FBRSL1: variants seen among roughly 807,000 people sequenced by gnomAD.
FBRSL1 encodes the protein fibrosin like 1.
Under a neutral mutation model 89.6 loss-of-function variants are expected in FBRSL1, and 51 were observed. The ratio of observed to expected loss-of-function variants is 0.57; its 90% CI spans 0.45 to 0.72. The LOEUF is 0.72. Ranked by LOEUF, FBRSL1 falls within the 30% of genes least tolerant of loss-of-function variation. The pLI is 0.00. For synonymous variants in FBRSL1, 779 were observed against 681.1 expected, an observed-to-expected ratio of 1.14 and a Z score of -2.24; for missense variants, 1,618 against 1,451.8, an observed-to-expected ratio of 1.11 and a Z score of -1.86.
intron 5 of FBRSL1, chr12:132,565,487 ACACG>A (rs2039535478): frequency 2.0e-5 from 3 of 152,322 alleles, no homozygotes; most frequent in South Asian, 4.2e-4. Context: ...GTGCCCACGT[ACACG>A]TACCCAACTG....
chr12:132,504,857 C>T (rs776720230), intron 1 of FBRSL1, among the ~76,000 whole-genome samples: 4 of 151,870 alleles, frequency 2.6e-5, no homozygotes, highest in Admixed American at 6.5e-5. Context: ...AGGCCAGGCA[C>T]GGTGGCTCAC....
At chr12:132,526,801 C>T (rs757743192) in intron 3 of FBRSL1, among the ~76,000 whole-genome samples, 2 of 152,138 alleles carry the variant, frequency 1.3e-5, no homozygotes, top group Non-Finnish European at 2.9e-5. Flanking sequence ...GTGAGCCCCA[C>T]TTGCCCAGCT....
intron 2 of FBRSL1, among the ~76,000 whole-genome samples, chr12:132,512,249 C>T (rs975498232): frequency 2.6e-5 from 4 of 152,272 alleles, no homozygotes; most frequent in Admixed American, 6.5e-5. Flanking sequence ...GGGCACCCAT[C>T]CCCGGGATCA....
At chr12:132,552,070 C>T (rs1338821811) in intron 5 of FBRSL1, 3 of 203,962 alleles carry the variant, frequency 1.5e-5, no homozygotes, top group Non-Finnish European at 3.1e-5. Flanking sequence ...GTGGGGCCGA[C>T]CCCGCAGGCA....
chr12:132,570,848 C>T (rs540961827), intron 8 of FBRSL1, among the ~76,000 whole-genome samples: 2 of 152,324 alleles, frequency 1.3e-5, no homozygotes, highest in South Asian at 2.1e-4. Context: ...GTCCTGAGCC[C>T]TGGGAGGAGG....
chr12:132,568,880 C>T (rs940649988), intron 6 of FBRSL1, among the ~76,000 whole-genome samples: 1 of 151,994 alleles, frequency 6.6e-6, no homozygotes, highest in African/African-American at 2.4e-5. Context: ...TTCCTGCTGC[C>T]TGTTTTCACC....
chr12:132,510,095 G>A (rs1430337826), intron 2 of FBRSL1: 45 of 1,225,244 alleles, frequency 3.7e-5, no homozygotes, highest in African/African-American at 9.4e-5. Flanking sequence ...AGAAGCAGCC[G>A]CTCATGGGCC....
At chr12:132,508,065 T>C in intron 1 of FBRSL1, 88 bp from the exon 2 acceptor site, 2 of 1,337,062 alleles carry the variant, frequency 1.5e-6, no homozygotes, top group Non-Finnish European at 1.0e-6. Flanking sequence ...GGGAGGCTCC[T>C]TCCCAAGAGC....
intron 2 of FBRSL1, among the ~76,000 whole-genome samples, chr12:132,512,641 C>G (rs2034471762): frequency 6.6e-6 from 1 of 152,252 alleles, no homozygotes; most frequent in Non-Finnish European, 1.5e-5. Flanking sequence ...CCCCGGGCTC[C>G]TGTGAGTACA....
intron 4 of FBRSL1, among the ~76,000 whole-genome samples, chr12:132,534,933 C>T (rs1177070012): frequency 1.3e-5 from 2 of 152,246 alleles, no homozygotes; most frequent in African/African-American, 2.4e-5. Flanking sequence ...CTGCAGCGCT[C>T]CCAGGTATGG....
In FBRSL1 at chr12:132,499,496, G is replaced by A. The variant is rs1228109671; in HGVS notation, c.291+8635G>A. Among the ~76,000 whole-genome samples, 1 of 152,262 alleles carries A rather than the reference G, an allele frequency of 6.6e-6. No homozygotes were observed. The highest frequency in any genetic ancestry group is 1.5e-5 in the Non-Finnish European group (1 of 68,048). ...TACACCCACAGGCCCCATTGCCAGT[G>A]AGTATTGGGATGGCAGTAAAGAGTC... On this transcript the variant is annotated intron_variant, in intron 1 of 18. Coordinates refer to ENST00000680143, the MANE Select transcript of FBRSL1 (RefSeq NM_001367871.1). The surrounding 1 kb of genome is among the most constrained non-coding windows in gnomAD (Gnocchi z 4.3).
intron 9 of FBRSL1, 188 bp downstream of exon 9, chr12:132,571,419 C>G: frequency 2.6e-6 from 4 of 1,550,878 alleles, no homozygotes; most frequent in Non-Finnish European, 3.5e-6. Flanking sequence ...TCCATCAGCA[C>G]CAGCACACAC....
rs928746697 is a variant in FBRSL1 at position 132,527,859 on chromosome 12, A to G, written c.580-94A>G. On this transcript the variant is annotated intron_variant, in intron 3 of 18. Coordinates refer to ENST00000680143, the MANE Select transcript of FBRSL1 (RefSeq NM_001367871.1). ...AGCTGCAGGGCTGCGGGGCAGGGCT[A>G]AGGGCTGAGGGCTGCAGGGCAGCTG... 29 of 1,214,096 alleles carry G rather than the reference A, an allele frequency of 2.4e-5. No homozygotes were observed. In the East Asian group the frequency reaches 6.2e-4, roughly 26 times the overall value. 75.2% of individuals were successfully genotyped at this position (1,214,096 alleles called of 1,614,324 possible).
intron 4 of FBRSL1, among the ~76,000 whole-genome samples, chr12:132,547,544 T>C (rs927683552): frequency 1.3e-5 from 2 of 151,932 alleles, no homozygotes; most frequent in African/African-American, 4.8e-5. Context: ...GGTGCCTGGA[T>C]CTCCCAGCCC....
chr12:132,579,628 G>A lies in FBRSL1; in HGVS notation c.1835-1811G>A, dbSNP rs551144787. Among the ~76,000 whole-genome samples, 75 of 152,262 alleles carry A rather than the reference G, an allele frequency of 4.9e-4. 1 individual carries two copies. The highest frequency in any genetic ancestry group is 6.8e-4 in the Non-Finnish European group (46 of 68,026). On this transcript the variant is annotated intron_variant, in intron 15 of 18. Transcript: ENST00000680143. ...GGTTTGCCCCCTTGTGTAAACTGTC[G>A]GTACGTTTCTGGAGCCACTGTTCCA...
intron 5 of FBRSL1, among the ~76,000 whole-genome samples, chr12:132,549,630 CCT>C (rs2037981846): frequency 6.6e-6 from 1 of 152,206 alleles, no homozygotes; most frequent in East Asian, 1.9e-4. Flanking sequence ...CTGGGGGCTC[CCT>C]CTCCCCTCCC....
intron 1 of FBRSL1, among the ~76,000 whole-genome samples, chr12:132,492,777 A>G (rs894642629): frequency 2.6e-5 from 4 of 152,184 alleles, no homozygotes; most frequent in Non-Finnish European, 2.9e-5. Context: ...ACAGCACCCC[A>G]GGGTGGTTTC....
rs988183129 is a variant in FBRSL1, at chr12:132,540,704, C to T, written c.616-7299C>T. ...TGCTCTGGGCTCAACACATCAGCAC[C>T]TGGAACCAGGCTCCAGGGCAAGCCC... is the stretch of plus-strand genomic sequence containing the variant. On this transcript the variant is annotated intron_variant, in intron 4 of 18. Transcript: ENST00000680143. Among the ~76,000 whole-genome samples, 11 of 152,268 alleles carry T rather than the reference C, an allele frequency of 7.2e-5. No homozygotes were observed. In the East Asian group the frequency reaches 2.1e-3, roughly 30 times the overall value.
intron 2 of FBRSL1, chr12:132,509,408 A>T: frequency 8.1e-7 from 1 of 1,240,570 alleles, no homozygotes; most frequent in Non-Finnish European, 1.0e-6. Context: ...CCCGGCGGTC[A>T]CTTCTGGGCC....
Sources: gnomAD v4.1 joint callset for allele counts (sites outside exome capture counted in the v4.1 genomes callset) on GRCh38, gnomAD v4.1.1 for gene constraint, Gnocchi (gnomAD v3.1) non-coding constraint, MANE v1.5 for transcripts, NCBI Gene and HGNC (gene_info 2026-07-23, HGNC 2026-07-21) for gene names.